The following ACOXL variants were observed in gnomAD, a reference collection of about 807,000 sequenced individuals.
ACOXL encodes the protein acyl-CoA oxidase like.
Under a neutral mutation model 71.9 loss-of-function variants are expected in ACOXL, and 70 were observed. The observed-to-expected ratio is 0.97, with a 90% CI of 0.80 to 1.19. The LOEUF is 1.19. ACOXL is among the 50% of genes most tolerant of loss of function. The pLI is 0.00. For missense variants in ACOXL, 703 were observed against 736.3 expected (o/e 0.95, Z 0.52); for synonymous variants, 253 against 281.6 (o/e 0.90, Z 1.02).
rs185122515 is a variant in ACOXL at position 110,958,918 on chromosome 2, G to T, written c.1059+25276G>T. On this transcript the variant is annotated intron_variant, in intron 12 of 17. Transcript: ENST00000439055. ...TGTCTCCCTGTAGAGCAGTCCCCCTGGGAGCTAATGGATCTTTTCCACCTG... is the reference window on the plus strand; with the variant it reads ...TGTCTCCCTGTAGAGCAGTCCCCCTTGGAGCTAATGGATCTTTTCCACCTG... Among the ~76,000 whole-genome samples, 75 of 152,324 alleles carry T rather than the reference G, an allele frequency of 4.9e-4. 1 individual carries two copies. Among genetic ancestry groups the T allele is most frequent in the Non-Finnish European group, 7.9e-4 (54 of 68,018 alleles).
At chr2:110,742,935 A>C (rs1677728961) in intron 1 of ACOXL, among the ~76,000 whole-genome samples, 1 of 152,222 alleles carries the variant, frequency 6.6e-6, no homozygotes. Flanking sequence ...CATAACATAC[A>C]ACTAACCATT....
At chr2:110,772,294 C>A (rs758876192) in intron 2 of ACOXL, among the ~76,000 whole-genome samples, 23 of 152,292 alleles carry the variant, frequency 1.5e-4, no homozygotes, top group Non-Finnish European at 2.6e-4. Context: ...AGACAACTTT[C>A]AAAACTCCTG....
chr2:110,882,289 A>C (rs979180071), intron 10 of ACOXL, among the ~76,000 whole-genome samples: 1 of 152,046 alleles, frequency 6.6e-6, no homozygotes, highest in African/African-American at 2.4e-5. Flanking sequence ...ATCTGTTCAA[A>C]TCTTTCACCA....
At chr2:111,104,303 A>C (rs746545925) in intron 17 of ACOXL, among the ~76,000 whole-genome samples, 2 of 152,196 alleles carry the variant, frequency 1.3e-5, no homozygotes, top group Non-Finnish European at 2.9e-5. Context: ...TCATTTTCCC[A>C]TACAGGATTT....
chr2:111,090,113 G>T (rs959641395), intron 16 of ACOXL, among the ~76,000 whole-genome samples: 1 of 152,194 alleles, frequency 6.6e-6, no homozygotes, highest in Non-Finnish European at 1.5e-5. Flanking sequence ...GGTAGCAGAA[G>T]TTGTAACATC....
At chr2:110,890,039 A>C (rs1697764031) in intron 10 of ACOXL, among the ~76,000 whole-genome samples, 1 of 152,158 alleles carries the variant, frequency 6.6e-6, no homozygotes, top group South Asian at 2.1e-4. Flanking sequence ...TTTGATTTAC[A>C]TTTGCCTAAT....
intron 14 of ACOXL, among the ~76,000 whole-genome samples, chr2:111,020,212 C>A (rs370639269): frequency 6.6e-6 from 1 of 152,224 alleles, no homozygotes; most frequent in East Asian, 1.9e-4. Context: ...ACTCTCACCA[C>A]CCATCCGTGG....
At chr2:110,736,405 C>T (rs1044723366) in intron 1 of ACOXL, among the ~76,000 whole-genome samples, 25 of 152,148 alleles carry the variant, frequency 1.6e-4, no homozygotes, top group African/African-American at 3.6e-4. Flanking sequence ...CCCCCAGCCC[C>T]GGCAACCCTC....
intron 12 of ACOXL, among the ~76,000 whole-genome samples, chr2:110,971,168 A>C (rs2062168008): frequency 6.6e-6 from 1 of 152,220 alleles, no homozygotes; most frequent in Non-Finnish European, 1.5e-5. Context: ...AAACATCAAC[A>C]GACATTTCAC....
chr2:110,993,579 AC>A (rs1402358206), intron 13 of ACOXL, among the ~76,000 whole-genome samples: 4 of 152,228 alleles, frequency 2.6e-5, no homozygotes, highest in African/African-American at 9.6e-5. Flanking sequence ...TGTGAGTAGA[AC>A]CGCTATGAGC....
chr2:111,080,611 G>A (rs62163302), intron 16 of ACOXL, among the ~76,000 whole-genome samples: 5,418 of 152,208 alleles, frequency 0.036, 127 homozygotes, highest in Non-Finnish European at 0.052. Context: ...AGCTGGTACC[G>A]TTCCTTCTGA....
At chr2:110,786,467 C>A (rs771940777) in intron 3 of ACOXL, among the ~76,000 whole-genome samples, 1 of 152,218 alleles carries the variant, frequency 6.6e-6, no homozygotes, top group Admixed American at 6.5e-5. Context: ...GAGAGAGCAG[C>A]TAGCTGAGAT....
chr2:111,015,543 TG>T (rs2064384135), intron 14 of ACOXL, among the ~76,000 whole-genome samples: 1 of 152,246 alleles, frequency 6.6e-6, no homozygotes, highest in Admixed American at 6.5e-5. Context: ...ATCACCACTC[TG>T]GAAGACAGAG....
At position 110,800,097 on chromosome 2, in the gene ACOXL, C is replaced by T. The variant is rs150670243; in HGVS notation, c.547+997C>T. Among the ~76,000 whole-genome samples, 21 of 152,320 alleles carry T rather than the reference C, an allele frequency of 1.4e-4. No homozygotes were observed. The East Asian group carries it at 2.3e-3, about 17-fold the overall frequency. On this transcript the variant is annotated intron_variant, in intron 7 of 17. Coordinates refer to ENST00000439055, the MANE Select transcript of ACOXL (RefSeq NM_001142807.4). ...CACCCCAGCCAGCAGTGGCAACCCG[C>T]GCTACTTGCTGTGGAAGCTTTGTTC...
chr2:110,854,248 A>T (rs950574673), intron 10 of ACOXL, among the ~76,000 whole-genome samples: 1 of 152,186 alleles, frequency 6.6e-6, no homozygotes, highest in Non-Finnish European at 1.5e-5. Flanking sequence ...GCAGGCACAC[A>T]GTGGGTAGAG....
At chr2:110,779,893 A>C (rs1683117282) in intron 2 of ACOXL, among the ~76,000 whole-genome samples, 1 of 152,252 alleles carries the variant, frequency 6.6e-6, no homozygotes, top group Non-Finnish European at 1.5e-5. Context: ...TAGGATAGGC[A>C]GGGGTTCTTA....
intron 15 of ACOXL, 62 bp downstream of exon 15, chr2:111,031,776 GAC>G: frequency 6.6e-7 from 1 of 1,504,562 alleles, no homozygotes; most frequent in Non-Finnish European, 9.2e-7. Flanking sequence ...GGTCCCTGGA[GAC>G]ACAGCTCTGC....
At chr2:110,903,292 C>A (rs1425060952) in intron 10 of ACOXL, among the ~76,000 whole-genome samples, 2 of 152,250 alleles carry the variant, frequency 1.3e-5, no homozygotes, top group African/African-American at 4.8e-5. Flanking sequence ...TGATTAATAG[C>A]CATGTCACAT....
chr2:110,875,045 G>A (rs1221518792), intron 10 of ACOXL, among the ~76,000 whole-genome samples: 1 of 152,168 alleles, frequency 6.6e-6, no homozygotes, highest in Non-Finnish European at 1.5e-5. Context: ...ACTGACACTA[G>A]CTTGCCACGT....
Sources: gnomAD v4.1 joint callset for allele counts (sites outside exome capture counted in the v4.1 genomes callset) on GRCh38, gnomAD v4.1.1 for gene constraint, MANE v1.5 for transcripts, NCBI Gene and HGNC (gene_info 2026-07-23, HGNC 2026-07-21) for gene names.